Variants in R3HDM2 observed in about 807,000 individuals in gnomAD.
The protein encoded by R3HDM2 is R3H domain containing 2, also known as R3H domain-containing protein 2.
In R3HDM2, 38 loss-of-function variants were observed where a neutral mutation model predicts 124.5. The ratio of observed to expected loss-of-function variants is 0.31; its 90% CI spans 0.24 to 0.40. The LOEUF is 0.40. R3HDM2 is among the 10% of genes least tolerant of loss of function. The pLI, the probability that R3HDM2 is intolerant of heterozygous loss-of-function variation, is 1.00. For synonymous variants in R3HDM2, 391 were observed against 448.0 expected, an observed-to-expected ratio of 0.87 and a Z score of 1.61; for missense variants, 869 against 1,236.9, an observed-to-expected ratio of 0.70 and a Z score of 4.46.
intron 2 of R3HDM2, among the ~76,000 whole-genome samples, chr12:57,349,717 C>T (rs2060484504): frequency 6.6e-6 from 1 of 151,792 alleles, no homozygotes; most frequent in African/African-American, 2.4e-5. Flanking sequence ...TGTGCCACCA[C>T]GCCCGGCTAA....
At chr12:57,380,621 T>C (rs2064725060) in intron 2 of R3HDM2, among the ~76,000 whole-genome samples, 1 of 152,164 alleles carries the variant, frequency 6.6e-6, no homozygotes, top group Admixed American at 6.6e-5. Context: ...AAAGACATCA[T>C]CTTAAAACTC....
intron 2 of R3HDM2, among the ~76,000 whole-genome samples, chr12:57,384,460 A>G (rs1460332549): frequency 6.6e-6 from 1 of 152,182 alleles, no homozygotes; most frequent in Admixed American, 6.5e-5. Flanking sequence ...CCTCATCTAT[A>G]AAACAGAATA....
At chr12:57,279,567 C>A (rs2045668086) in intron 14 of R3HDM2, among the ~76,000 whole-genome samples, 1 of 150,804 alleles carries the variant, frequency 6.6e-6, no homozygotes, top group African/African-American at 2.4e-5. Flanking sequence ...CTTTAGGAGG[C>A]CAAGGAGGGA....
chr12:57,269,024 G>C lies in R3HDM2; in HGVS notation c.1773C>G (p.Val591=), dbSNP rs1433551661. The change falls in exon 17 of 24, where the codon GTC becomes GTG. Residue 591 remains valine, a synonymous_variant. Transcript: ENST00000402412. Reference sequence around the variant, plus strand: ...GCAGGCCCTGGTTCTGTGGCTGCTGGACCCCAATCATGCCTTGGTAAGCCG... The same window carrying C: ...GCAGGCCCTGGTTCTGTGGCTGCTGCACCCCAATCATGCCTTGGTAAGCCG... ...QQAAYQGMIG[V]QQPQNQGLLS... 2 of 1,614,106 alleles carry C rather than the reference G, an allele frequency of 1.2e-6. No homozygotes were observed. The highest frequency in any genetic ancestry group is 1.7e-6 in the Non-Finnish European group (2 of 1,180,052).
At chr12:57,335,308 A>G (rs193167158) in intron 2 of R3HDM2, among the ~76,000 whole-genome samples, 1,746 of 151,588 alleles carry the variant, frequency 0.012, 32 homozygotes, top group African/African-American at 0.04. Flanking sequence ...CCTGGGTTCA[A>G]GTGATTCTCC....
chr12:57,277,122 G>A lies in R3HDM2; in HGVS notation c.1344+3236C>T, dbSNP rs558019109. 3.8e-4 allele frequency among the ~76,000 whole-genome samples: 56 copies of A among 147,820 alleles called. No homozygotes were observed. The East Asian group carries it at 8.1e-3, about 21-fold the overall frequency. On this transcript the variant is annotated intron_variant, in intron 14 of 23. Coordinates refer to ENST00000402412, the MANE Select transcript of R3HDM2 (RefSeq NM_001394031.1). Reference sequence around the variant, plus strand: ...AACAAAAAAAAAAAAAAAAAAGACTGCCCTGAGGGATGTGGCTGCCACCTA... The same window carrying A: ...AACAAAAAAAAAAAAAAAAAAGACTACCCTGAGGGATGTGGCTGCCACCTA...
intron 1 of R3HDM2, among the ~76,000 whole-genome samples, chr12:57,427,049 T>A (rs2070808081): frequency 6.6e-6 from 1 of 152,150 alleles, no homozygotes; most frequent in Non-Finnish European, 1.5e-5. Context: ...TCCCAGCACT[T>A]TGGGAGGCCG....
In R3HDM2 at chr12:57,256,061, A is replaced by G; in HGVS notation, c.2561T>C (p.Leu854Pro). 2 of 1,613,990 alleles carry G rather than the reference A, an allele frequency of 1.2e-6. No individual in the cohort carries two copies. The highest frequency in any genetic ancestry group is 1.7e-6 in the Non-Finnish European group (2 of 1,179,900). Residue 854 changes from leucine (L) to proline (P), a missense_variant, in exon 23 of 24, where the codon CTG becomes CCG. Transcript: ENST00000402412. ...TCTCTTGCCCCGGTTTCCATGCTTC[A>G]GTCCACTCTGTCCCTTCAACATTTG... ...TYTVHQGQSGLKHGNRGKRQA... is the reference protein window; with the variant it reads ...TYTVHQGQSGPKHGNRGKRQA...
intron 2 of R3HDM2, among the ~76,000 whole-genome samples, chr12:57,326,060 G>A (rs1272847849): frequency 6.6e-6 from 1 of 151,998 alleles, no homozygotes. Context: ...ACTGTTTGGG[G>A]GCACCAGGAA....
chr12:57,333,995 C>T (rs1306761427), intron 2 of R3HDM2, among the ~76,000 whole-genome samples: 5 of 151,622 alleles, frequency 3.3e-5, no homozygotes, highest in Non-Finnish European at 7.4e-5. Context: ...GCCGAGACTG[C>T]GCCACTGCAC....
At chr12:57,368,345 A>C (rs1240935832) in intron 2 of R3HDM2, among the ~76,000 whole-genome samples, 1 of 152,200 alleles carries the variant, frequency 6.6e-6, no homozygotes, top group East Asian at 1.9e-4. Flanking sequence ...GGTATGTAGT[A>C]AAGAATTTAA....
chr12:57,292,329 C>T (rs2048842614), intron 11 of R3HDM2, among the ~76,000 whole-genome samples: 1 of 152,168 alleles, frequency 6.6e-6, no homozygotes, highest in African/African-American at 2.4e-5. Context: ...TCAGCCACTC[C>T]AAGTTATAGT....
intron 1 of R3HDM2, among the ~76,000 whole-genome samples, chr12:57,406,321 CAA>C (rs371243114): frequency 5.4e-5 from 3 of 55,348 alleles, no homozygotes; most frequent in Admixed American, 2.0e-4. Flanking sequence ...AACTCCGTCT[CAA>C]AAAAAAAAAA....
intron 2 of R3HDM2, among the ~76,000 whole-genome samples, chr12:57,321,760 A>AT (rs1421343698): frequency 6.6e-6 from 1 of 152,172 alleles, no homozygotes; most frequent in African/African-American, 2.4e-5. Context: ...AACACATACT[A>AT]TAATAGTCTA....
rs1869740523 is a variant in R3HDM2 at position 57,430,875 on chromosome 12, A to C, written c.-261T>G. On this transcript the variant is annotated 5_prime_UTR_variant, in exon 1 of 24. Transcript: ENST00000402412. ...GCTTCCCCGGGGCCGAGGGCTGGGA[A>C]GCAGGGGGGACTGGGACGGGGGAGG... 2.3e-5 allele frequency: 3 copies of C among 131,430 alleles called. No individual in the cohort carries two copies. 8.1% of individuals were successfully genotyped at this position (131,430 alleles called of 1,614,324 possible).
chr12:57,332,778 T>C (rs989772367), intron 2 of R3HDM2, among the ~76,000 whole-genome samples: 29 of 152,216 alleles, frequency 1.9e-4, no homozygotes, highest in Non-Finnish European at 3.7e-4. Flanking sequence ...TGAACACACT[T>C]TTTGTCCCTC....
chr12:57,348,004 T>G (rs1445591195), intron 2 of R3HDM2, among the ~76,000 whole-genome samples: 1 of 152,184 alleles, frequency 6.6e-6, no homozygotes, highest in Non-Finnish European at 1.5e-5. Flanking sequence ...AAATCCACTC[T>G]CATGACAGAT....
intron 19 of R3HDM2, among the ~76,000 whole-genome samples, chr12:57,261,150 A>T (rs978414494): frequency 6.6e-6 from 1 of 152,118 alleles, no homozygotes; most frequent in Non-Finnish European, 1.5e-5. Context: ...TGGGTATTTT[A>T]TTTCCCCATC....
chr12:57,324,984 C>T (rs2057088530), intron 2 of R3HDM2, among the ~76,000 whole-genome samples: 1 of 152,122 alleles, frequency 6.6e-6, no homozygotes, highest in Admixed American at 6.5e-5. Flanking sequence ...AGGCATGGTG[C>T]CCACAAAGGA....
Sources: allele counts gnomAD v4.1 joint callset (sites outside exome capture counted in the v4.1 genomes callset), GRCh38; gene constraint gnomAD v4.1.1; transcripts MANE v1.5; gene names NCBI Gene and HGNC (gene_info 2026-07-23, HGNC 2026-07-21).